Variants in KATNIP observed in about 807,000 individuals in gnomAD.
KATNIP encodes the protein katanin-interacting protein.
In KATNIP, 126 loss-of-function variants were observed where a neutral mutation model predicts 174.0. That is an observed-to-expected ratio of 0.72 (90% CI 0.63 to 0.84). KATNIP has a LOEUF of 0.84. Ranked by LOEUF, KATNIP falls within the 40% of genes least tolerant of loss-of-function variation. The pLI, the probability that KATNIP is intolerant of heterozygous loss-of-function variation, is 0.00. For synonymous variants in KATNIP, 810 were observed against 835.7 expected, an observed-to-expected ratio of 0.97 and a Z score of 0.53; for missense variants, 1,958 against 2,109.7, an observed-to-expected ratio of 0.93 and a Z score of 1.41.
intron 6 of KATNIP, among the ~76,000 whole-genome samples, chr16:27,671,364 C>G (rs955318965): frequency 2.0e-5 from 3 of 152,044 alleles, no homozygotes; most frequent in Non-Finnish European, 4.4e-5. Context: ...TTGATATCTG[C>G]CCAAAGAAGT....
Position 27,754,057 on chromosome 16 carries a change from AG to A in KATNIP, c.3553-114del, listed in dbSNP as rs2081618568. 1.2e-5 allele frequency: 10 copies of A among 824,064 alleles called. No individual in the cohort carries two copies. The Admixed American group carries it at 1.8e-4, about 15-fold the overall frequency. 51.0% of individuals were successfully genotyped at this position (824,064 alleles called of 1,614,324 possible). A position where few individuals can be genotyped will look rare whatever the true frequency, so the allele number is the denominator to read the frequency against. ...GCAGAAAAATCCAGGAAAACACACA[AG>A]GACTTACCTGGGCATAGGGTGGGCA... On this transcript the variant is annotated intron_variant, in intron 17 of 27. Coordinates refer to ENST00000261588, the MANE Select transcript of KATNIP (RefSeq NM_015202.5).
chr16:27,600,056 G>A (rs1055987319), intron 2 of KATNIP, among the ~76,000 whole-genome samples: 7 of 151,938 alleles, frequency 4.6e-5, no homozygotes, highest in East Asian at 1.9e-4. Flanking sequence ...CCCACCTTCC[G>A]AGCACTGACG....
At chr16:27,696,378 CAGGTTTGTTACAT>C (rs1186314092) in intron 8 of KATNIP, among the ~76,000 whole-genome samples, 2 of 151,856 alleles carry the variant, frequency 1.3e-5, no homozygotes, top group African/African-American at 4.8e-5. Flanking sequence ...AATACATGTG[CAGGTTTGTTACAT>C]AGGTCAACTG....
At chr16:27,720,304 T>C (rs530507896) in intron 13 of KATNIP, among the ~76,000 whole-genome samples, 21 of 152,108 alleles carry the variant, frequency 1.4e-4, no homozygotes, top group Admixed American at 1.2e-3. Flanking sequence ...TTGGCCAGGC[T>C]GGTCTCGAGC....
chr16:27,627,466 G>T (rs2076367892), intron 3 of KATNIP, among the ~76,000 whole-genome samples: 1 of 152,252 alleles, frequency 6.6e-6, no homozygotes, highest in African/African-American at 2.4e-5. Context: ...GCGTAATAAG[G>T]CATCTTTAAA....
rs190498775 is a variant in KATNIP at position 27,559,369 on chromosome 16, T to C, written c.7+9192T>C. ...CTGCGCTGTACAGTGTCTATCAATA[T>C]GTTTTTCCATATTCAAAAATAGTGA... On this transcript the variant is annotated intron_variant, in intron 1 of 27. Transcript: ENST00000261588. Among the ~76,000 whole-genome samples, 31 of 152,298 alleles carry C rather than the reference T, an allele frequency of 2.0e-4. No individual in the cohort carries two copies. In the East Asian group the frequency reaches 6.0e-3, roughly 29 times the overall value.
chr16:27,640,400 G>T (rs1159965170), intron 5 of KATNIP, among the ~76,000 whole-genome samples: 1 of 152,212 alleles, frequency 6.6e-6, no homozygotes, highest in Non-Finnish European at 1.5e-5. Flanking sequence ...GGGGGGCTGG[G>T]TTGGAACCTG....
chr16:27,553,679 A>T (rs888919287), intron 1 of KATNIP, among the ~76,000 whole-genome samples: 1 of 152,042 alleles, frequency 6.6e-6, no homozygotes, highest in African/African-American at 2.4e-5. Context: ...TAAATAAATA[A>T]ATAAATAATA....
At chr16:27,593,091 G>A (rs1163989319) in intron 2 of KATNIP, among the ~76,000 whole-genome samples, 1 of 152,112 alleles carries the variant, frequency 6.6e-6, no homozygotes, top group Non-Finnish European at 1.5e-5. Flanking sequence ...CTGCTTCTGT[G>A]TCCTTCTCAC....
At chr16:27,598,773 G>T (rs78524209) in intron 2 of KATNIP, among the ~76,000 whole-genome samples, 62 of 152,286 alleles carry the variant, frequency 4.1e-4, no homozygotes, top group Non-Finnish European at 7.8e-4. Context: ...AGATATACAT[G>T]CAGGGGTTTA....
chr16:27,652,267 C>T (rs1259492867), intron 6 of KATNIP, among the ~76,000 whole-genome samples: 1 of 152,094 alleles, frequency 6.6e-6, no homozygotes, highest in African/African-American at 2.4e-5. Context: ...AGGGGCTTCC[C>T]CTTGATGAGG....
chr16:27,751,239 A>G (rs911550393), intron 16 of KATNIP, among the ~76,000 whole-genome samples: 2 of 152,148 alleles, frequency 1.3e-5, no homozygotes, highest in African/African-American at 2.4e-5. Context: ...CCCAGCCACA[A>G]CCAGATCTTG....
intron 2 of KATNIP, among the ~76,000 whole-genome samples, chr16:27,594,599 A>T (rs190423930): frequency 2.6e-5 from 4 of 152,000 alleles, no homozygotes; most frequent in Non-Finnish European, 5.9e-5. Context: ...CTGGAGTTCA[A>T]TAAAGCTTGG....
intron 14 of KATNIP, among the ~76,000 whole-genome samples, chr16:27,739,538 A>G (rs948940489): frequency 1.3e-5 from 2 of 152,184 alleles, no homozygotes; most frequent in African/African-American, 4.8e-5. Flanking sequence ...CCCAATTATG[A>G]TGCCCACGGA....
At chr16:27,713,834 A>ATGTGTGTGTGTGTGTG (rs1555482242) in intron 13 of KATNIP, among the ~76,000 whole-genome samples, 1 of 74,624 alleles carries the variant, frequency 1.3e-5, no homozygotes, top group African/African-American at 5.7e-5. Flanking sequence ...ATATATATAT[A>ATGTGTGTGTGTGTGTG]TATATATATA....
chr16:27,605,198 G>T (rs1384308706), intron 2 of KATNIP, among the ~76,000 whole-genome samples: 1 of 152,174 alleles, frequency 6.6e-6, no homozygotes, highest in Non-Finnish European at 1.5e-5. Context: ...CTCCCAAAGT[G>T]CTGGGATTAC....
chr16:27,677,917 C>T lies in KATNIP; in HGVS notation c.729C>T (p.His243=), dbSNP rs749861632. The part of the protein sequence containing the change: ...SSGDWTQKDV[H]GEQETEGRSS... ...GCGACTGGACTCAGAAAGATGTTCA[C>T]GGGGAACAGGAGACAGAAGGACGCT... Residue 243 remains histidine, a synonymous_variant, in exon 7 of 28, where the codon CAC becomes CAT. Coordinates refer to ENST00000261588, the MANE Select transcript of KATNIP (RefSeq NM_015202.5). 1.4e-5 allele frequency: 23 copies of T among 1,614,044 alleles called. No individual in the cohort carries two copies. The highest frequency in any genetic ancestry group is 1.6e-4 in the Middle Eastern group (1 of 6,082).
At chr16:27,664,328 A>G (rs1478511355) in intron 6 of KATNIP, among the ~76,000 whole-genome samples, 2 of 152,196 alleles carry the variant, frequency 1.3e-5, no homozygotes, top group Non-Finnish European at 2.9e-5. Flanking sequence ...TGAATGTTCT[A>G]TGATATTTCA....
chr16:27,604,371 C>T (rs570320474), intron 2 of KATNIP, among the ~76,000 whole-genome samples: 1 of 152,230 alleles, frequency 6.6e-6, no homozygotes, highest in South Asian at 2.1e-4. Context: ...GTAGCTTGGA[C>T]CACAGGCACA....
Sources: allele counts gnomAD v4.1 joint callset (sites outside exome capture counted in the v4.1 genomes callset), GRCh38; gene constraint gnomAD v4.1.1; transcripts MANE v1.5; gene names NCBI Gene and HGNC (gene_info 2026-07-23, HGNC 2026-07-21).